The following TRIM3 variants were observed in gnomAD, a reference collection of about 807,000 sequenced individuals.
TRIM3 encodes tripartite motif containing 3, also known as tripartite motif-containing protein 3.
In TRIM3, 13 loss-of-function variants were observed where a neutral mutation model predicts 66.6. The ratio of observed to expected loss-of-function variants is 0.20; its 90% CI spans 0.13 to 0.31. The LOEUF (loss-of-function observed/expected upper bound fraction) is 0.31, where lower values mean the gene tolerates loss of function less well. Ranked by LOEUF, TRIM3 falls within the 10% of genes least tolerant of loss-of-function variation. The probability of loss-of-function intolerance (pLI) is 1.00; values close to 1 mark genes in which losing one functional copy is unlikely to be tolerated. For synonymous variants in TRIM3, 406 were observed against 411.7 expected, an observed-to-expected ratio of 0.99 and a Z score of 0.17; for missense variants, 711 against 1,020.4, an observed-to-expected ratio of 0.70 and a Z score of 4.13.
rs1850085344 is a variant in TRIM3, at chr11:6,458,344, G to A, written c.132-48C>T. The A allele has an allele frequency of 4.0e-6, 6 of 1,503,120 alleles. No individual in the cohort carries two copies. In the African/African-American group the frequency reaches 4.1e-5, roughly 10 times the overall value. The allele number at this position is 1,503,120 out of a possible 1,614,324, so 93.1% of individuals were successfully genotyped here. The stretch of plus-strand genomic sequence containing the variant: ...GAACAGAGTGGGTGGGGTGGCATAA[G>A]TGCACCCTTCCTTATACTTCCCATG... On this transcript the variant is annotated intron_variant, in intron 2 of 11. Transcript: ENST00000345851. This position sits in a 1 kb window ranked among gnomAD's most constrained non-coding sequence, Gnocchi z 6.2.
At chr11:6,467,944 T>C (rs977242279) in intron 1 of TRIM3, among the ~76,000 whole-genome samples, 3 of 152,258 alleles carry the variant, frequency 2.0e-5, no homozygotes, top group African/African-American at 7.2e-5. Flanking sequence ...GGTAAGATAA[T>C]GTAGGGTATC....
intron 7 of TRIM3, chr11:6,451,689 G>C (rs1158449681): frequency 4.0e-6 from 2 of 505,608 alleles, no homozygotes; most frequent in Non-Finnish European, 3.5e-6. Flanking sequence ...GAAGATGTCT[G>C]AACAAATAGC....
Position 6,456,709 on chromosome 11 carries a change from C to G in TRIM3, c.1017G>C (p.Gln339His). ...TGGTAGTGACAGTGAGCGAGGCAGG[C>G]TGGCCCACTAGCGCCTGGCGCAGGC... ...GEGLRQALVGQPASLTVTTKD... is the reference protein window; with the variant it reads ...GEGLRQALVGHPASLTVTTKD... Residue 339 changes from glutamine to histidine, a missense_variant, in exon 6 of 12, where the codon CAG (glutamine) becomes CAC (histidine). Around this residue, in one of 3 missense-constraint regions of TRIM3, gnomAD observed 399 missense variants for 458.1 expected, o/e 0.87. Coordinates refer to ENST00000345851, the MANE Select transcript of TRIM3 (RefSeq NM_033278.4). The surrounding 1 kb of genome is among the most constrained non-coding windows in gnomAD (Gnocchi z 6.4). The G allele has an allele frequency of 6.2e-7, 1 of 1,607,666 alleles. No homozygotes were observed. The highest frequency in any genetic ancestry group is 8.5e-7 in the Non-Finnish European group (1 of 1,177,780).
chr11:6,473,388 G>A (rs886372587), intron 1 of TRIM3: 1 of 145,386 alleles, frequency 6.9e-6, no homozygotes, highest in Non-Finnish European at 1.5e-5. Context: ...GGTGGGGGTG[G>A]GGGAGCAAGG....
In TRIM3 at chr11:6,457,917, T is replaced by TCCCTGCCCC; in HGVS notation, c.364-79_364-71dup. ...TTCTTTGTCCCCTCCCCACCTGCCCTCCCTGCCCCTCACCTTCTAAGTGCA... is the reference window on the plus strand; with the variant it reads ...TTCTTTGTCCCCTCCCCACCTGCCCTCCCTGCCCCCCCTGCCCCTCACCTTCTAAGTGCA... On this transcript the variant is annotated intron_variant, in intron 3 of 11. Coordinates refer to ENST00000345851, the MANE Select transcript of TRIM3 (RefSeq NM_033278.4). The surrounding 1 kb of genome is among the most constrained non-coding windows in gnomAD (Gnocchi z 4.5). 1 of 1,588,746 alleles carries TCCCTGCCCC rather than the reference T, an allele frequency of 6.3e-7. No homozygotes were observed. The highest frequency in any genetic ancestry group is 1.3e-5 in the African/African-American group (1 of 74,732).
intron 7 of TRIM3, among the ~76,000 whole-genome samples, chr11:6,455,604 A>C (rs1457677898): frequency 6.6e-6 from 1 of 152,192 alleles, no homozygotes; most frequent in Admixed American, 6.5e-5. Context: ...CCCTTTGGCC[A>C]AGATACCCCT....
chr11:6,457,570 TCTC>T lies in TRIM3; in HGVS notation c.516-97_516-95del, dbSNP rs1264465291. 28 of 1,553,012 alleles carry T rather than the reference TCTC, an allele frequency of 1.8e-5. No individual in the cohort carries two copies. The East Asian group carries it at 4.1e-4, about 23-fold the overall frequency. On this transcript the variant is annotated intron_variant, in intron 4 of 11. Coordinates refer to ENST00000345851, the MANE Select transcript of TRIM3 (RefSeq NM_033278.4). This position sits in a 1 kb window ranked among gnomAD's most constrained non-coding sequence, Gnocchi z 4.5. ...GAACCTACTGCTGCCCTCATGGAGA[TCTC>T]CTTCCTGAGACCTCCCTGAGACTTC...
Position 6,457,692 on chromosome 11 carries a change from C to T in TRIM3, c.515+4G>A. On this transcript the variant is annotated splice_donor_region_variant and intron_variant, in intron 4 of 11. Coordinates refer to ENST00000345851, the MANE Select transcript of TRIM3 (RefSeq NM_033278.4). This position sits in a 1 kb window ranked among gnomAD's most constrained non-coding sequence, Gnocchi z 4.5. Reference sequence around the variant, plus strand: ...ACCAGCCCAGGACCCTGCCCAGTGCCTACCGGCCACGCACAGCCTCGAGCT... The same window carrying T: ...ACCAGCCCAGGACCCTGCCCAGTGCTTACCGGCCACGCACAGCCTCGAGCT... The T allele has an allele frequency of 6.2e-7, 1 of 1,610,650 alleles. No individual in the cohort carries two copies. Among genetic ancestry groups the T allele is most frequent in the Non-Finnish European group, 8.5e-7 (1 of 1,177,614 alleles).
At position 6,458,142 on chromosome 11, in the gene TRIM3, C is replaced by T; in HGVS notation, c.286G>A (p.Ala96Thr). Residue 96 changes from alanine to threonine, a missense_variant, in exon 3 of 12, where the codon GCC becomes ACC. By Grantham distance (58) the Ala-to-Thr change is moderately conservative. Coordinates refer to ENST00000345851, the MANE Select transcript of TRIM3 (RefSeq NM_033278.4). The surrounding 1 kb of genome is among the most constrained non-coding windows in gnomAD (Gnocchi z 6.2). ...MEAMQQAPDG[A>T]HDPEDPHPLS... The stretch of plus-strand genomic sequence containing the variant: ...GGGTGGGGGTCCTCCGGGTCGTGGG[C>T]CCCATCAGGTGCCTGCTGCATTGCC... The T allele has an allele frequency of 6.2e-7, 1 of 1,614,006 alleles. No individual in the cohort carries two copies. Among genetic ancestry groups the T allele is most frequent in the Non-Finnish European group, 8.5e-7 (1 of 1,180,034 alleles).
At position 6,465,642 on chromosome 11, in the gene TRIM3, C is replaced by G. The variant is rs1204663756; in HGVS notation, c.54G>C (p.Gln18His). The G allele has an allele frequency of 1.9e-6, 3 of 1,614,076 alleles. No homozygotes were observed. The African/African-American group carries it at 4.0e-5, about 22-fold the overall frequency. The change falls in exon 2 of 12, where the codon CAG becomes CAC. Residue 18 changes from glutamine (Q) to histidine (H), a missense_variant. This residue lies in a region of TRIM3 where 149 missense variants were observed against 240.3 expected (regional missense o/e 0.62). Transcript: ENST00000345851. ...CCAGGCAGATGCTGCATACCAGGAA[C>G]TGCTTGTCCATTGGCTGGACCTCTG... Reference protein sequence around the residue: ...PGPEVQPMDKQFLVCSICLDR... With the variant: ...PGPEVQPMDKHFLVCSICLDR...
In TRIM3 at chr11:6,470,575, C is replaced by T. The variant is rs146671401; in HGVS notation, c.-38+3216G>A. Among the ~76,000 whole-genome samples, 33 of 152,176 alleles carry T rather than the reference C, an allele frequency of 2.2e-4. No individual in the cohort carries two copies. The South Asian group carries it at 4.0e-3, about 18-fold the overall frequency. ...TGAGCCACAGCACCCAGCTAGAGTT[C>T]ACTGTTTAATGTGATGAATCTGAGG... is the stretch of plus-strand genomic sequence containing the variant. On this transcript the variant is annotated intron_variant, in intron 1 of 11. Transcript: ENST00000345851.
At chr11:6,466,459 A>G (rs2134219874) in intron 1 of TRIM3, among the ~76,000 whole-genome samples, 1 of 152,332 alleles carries the variant, frequency 6.6e-6, no homozygotes, top group South Asian at 2.1e-4. Flanking sequence ...TGATCTTGTC[A>G]GTACTCTGTT....
At position 6,449,097 on chromosome 11, in the gene TRIM3, G is replaced by A. The variant is rs1263422079; in HGVS notation, c.2166C>T (p.Thr722=). Residue 722 remains threonine, a synonymous_variant, in exon 12 of 12, where the codon ACC becomes ACT. Coordinates refer to ENST00000345851, the MANE Select transcript of TRIM3 (RefSeq NM_033278.4). The surrounding 1 kb of genome is among the most constrained non-coding windows in gnomAD (Gnocchi z 5.3). ...CAGCCACCACCACATGGCCATCCGA[G>A]GTCAGTGCCAGGCCCTGTGGACCAT... ...PLYGPQGLAL[T]SDGHVVVADA... 4 of 1,614,070 alleles carry A rather than the reference G, an allele frequency of 2.5e-6. No individual in the cohort carries two copies. Among genetic ancestry groups the A allele is most frequent in the Non-Finnish European group, 3.4e-6 (4 of 1,180,026 alleles).
rs61758091 is a variant in TRIM3 at position 6,457,460 on chromosome 11, C to A, written c.532G>T (p.Ala178Ser). The change falls in exon 5 of 12, where the codon GCA becomes TCA. Residue 178 changes from alanine (A) to serine (S), a missense_variant. Coordinates refer to ENST00000345851, the MANE Select transcript of TRIM3 (RefSeq NM_033278.4). This position sits in a 1 kb window ranked among gnomAD's most constrained non-coding sequence, Gnocchi z 4.5. The stretch of plus-strand genomic sequence containing the variant: ...ATGCCCCCGACTAAGGCAATTGCTG[C>A]GGACAGCTGTGGCAATCTGGAGGGG... ...AVRGRLPQLSAAIALVGGISQ... is the reference protein window; with the variant it reads ...AVRGRLPQLSSAIALVGGISQ... The A allele has an allele frequency of 6.2e-7, 1 of 1,612,584 alleles. No individual in the cohort carries two copies. Among genetic ancestry groups the A allele is most frequent in the Non-Finnish European group, 8.5e-7 (1 of 1,179,988 alleles).
intron 7 of TRIM3, 129 bp downstream of exon 7, chr11:6,455,943 C>T (rs939891840): frequency 2.3e-6 from 2 of 856,428 alleles, no homozygotes; most frequent in African/African-American, 1.8e-5. Flanking sequence ...TGATTCACTG[C>T]TCTTAAGGAA....
At chr11:6,464,459 A>G (rs1033766795) in intron 2 of TRIM3, among the ~76,000 whole-genome samples, 15 of 152,186 alleles carry the variant, frequency 9.9e-5, no homozygotes, top group African/African-American at 3.4e-4. Context: ...CCATATGCCA[A>G]TCTCTCATAG....
intron 1 of TRIM3, chr11:6,473,265 T>G (rs1850770918): frequency 6.7e-6 from 1 of 150,340 alleles, no homozygotes; most frequent in African/African-American, 2.5e-5. Context: ...AAAAACAGCC[T>G]CCACATGAGG....
chr11:6,456,580 CT>C lies in TRIM3; in HGVS notation c.1145del (p.Lys382ArgfsTer7). ...TRLPVPVVDH[K>X]NGTYELVYTA... The stretch of plus-strand genomic sequence containing the variant: ...TGTACACTAGCTCATATGTGCCATT[CT>C]TGTGGTCCACCACTGGCACCGGAAG... On this transcript the variant is annotated frameshift_variant, in exon 6 of 12. Transcript: ENST00000345851. LOFTEE classifies it high-confidence loss of function. This position sits in a 1 kb window ranked among gnomAD's most constrained non-coding sequence, Gnocchi z 6.4. 1 of 1,612,992 alleles carries C rather than the reference CT, an allele frequency of 6.2e-7. No individual in the cohort carries two copies. Among genetic ancestry groups the C allele is most frequent in the Non-Finnish European group, 8.5e-7 (1 of 1,179,846 alleles).
chr11:6,471,045 A>T (rs1850669955), intron 1 of TRIM3, among the ~76,000 whole-genome samples: 1 of 152,244 alleles, frequency 6.6e-6, no homozygotes, highest in Non-Finnish European at 1.5e-5. Context: ...GAGTCAAGCA[A>T]GAAGCTGATT....
Sources: gnomAD v4.1 joint callset for allele counts (sites outside exome capture counted in the v4.1 genomes callset) on GRCh38, gnomAD v4.1.1 for gene constraint, gnomAD v4.1.1 regional missense constraint, Gnocchi (gnomAD v3.1) non-coding constraint, MANE v1.5 for transcripts, NCBI Gene and HGNC (gene_info 2026-07-23, HGNC 2026-07-21) for gene names.